The following AGBL1 variants were observed in gnomAD, a reference collection of about 807,000 sequenced individuals.
The protein encoded by AGBL1 is cytosolic carboxypeptidase 4.
Under a neutral mutation model 118.9 loss-of-function variants are expected in AGBL1, and 130 were observed. That is an observed-to-expected ratio of 1.09 (90% CI 0.95 to 1.26). The LOEUF (loss-of-function observed/expected upper bound fraction) is 1.26, where lower values mean the gene tolerates loss of function less well. Ranked by LOEUF, AGBL1 falls within the 50% of genes most tolerant of loss-of-function variation. AGBL1 has a pLI of 0.00. For missense variants in AGBL1, 1,584 were observed against 1,298.1 expected (o/e 1.22, Z -3.38); for synonymous variants, 555 against 478.9 (o/e 1.16, Z -2.08).
At chr15:86,470,307 A>G (rs1186074640) in intron 18 of AGBL1, among the ~76,000 whole-genome samples, 1 of 152,132 alleles carries the variant, frequency 6.6e-6, no homozygotes, top group East Asian at 1.9e-4. Context: ...AGTTTTTTCA[A>G]AATCAATTAC....
chr15:87,018,199 G>T (rs2081626933), intron 24 of AGBL1, among the ~76,000 whole-genome samples: 1 of 151,310 alleles, frequency 6.6e-6, no homozygotes, highest in South Asian at 2.1e-4. Flanking sequence ...CATACTTCAG[G>T]ATATCGTTCA....
chr15:86,754,399 G>A (rs1337717876), intron 22 of AGBL1, among the ~76,000 whole-genome samples: 1 of 152,104 alleles, frequency 6.6e-6, no homozygotes, highest in Admixed American at 6.6e-5. Flanking sequence ...AATATTGATT[G>A]ATTAATGGTT....
chr15:86,789,926 A>G (rs2078467485), intron 22 of AGBL1, among the ~76,000 whole-genome samples: 1 of 152,184 alleles, frequency 6.6e-6, no homozygotes, highest in South Asian at 2.1e-4. Flanking sequence ...AGTCACCAGG[A>G]GACTAGGAAA....
chr15:86,689,812 G>C (rs140732582), intron 22 of AGBL1, among the ~76,000 whole-genome samples: 12 of 152,212 alleles, frequency 7.9e-5, no homozygotes, highest in African/African-American at 2.9e-4. Flanking sequence ...TGAAATGATG[G>C]ATGATACTAA....
chr15:86,389,173 T>A (rs1215974884), intron 17 of AGBL1, among the ~76,000 whole-genome samples: 1 of 152,126 alleles, frequency 6.6e-6, no homozygotes, highest in African/African-American at 2.4e-5. Context: ...ATAAGGAGTA[T>A]AAGAAAGTTC....
chr15:86,779,867 GTTGA>G (rs897911132), intron 22 of AGBL1, among the ~76,000 whole-genome samples: 1 of 151,764 alleles, frequency 6.6e-6, no homozygotes, highest in Admixed American at 6.6e-5. Flanking sequence ...GTTGTATTGA[GTTGA>G]TTGTGTTTTT....
intron 24 of AGBL1, among the ~76,000 whole-genome samples, chr15:87,024,234 T>C (rs2081700187): frequency 6.6e-6 from 1 of 151,878 alleles, no homozygotes; most frequent in South Asian, 2.1e-4. Context: ...GATAGACCAT[T>C]AGCAAGATTA....
intron 22 of AGBL1, among the ~76,000 whole-genome samples, chr15:86,694,175 T>A (rs377407019): frequency 2.1e-4 from 32 of 152,146 alleles, no homozygotes; most frequent in African/African-American, 7.5e-4. Context: ...AATTTGTAGC[T>A]TGCTTTTGGC....
At chr15:86,682,060 T>G (rs1463291439) in intron 22 of AGBL1, among the ~76,000 whole-genome samples, 4 of 152,212 alleles carry the variant, frequency 2.6e-5, no homozygotes, top group African/African-American at 9.6e-5. Flanking sequence ...CTCTCTTTAA[T>G]TATCTGCTGT....
chr15:86,865,375 T>C (rs1346412881), intron 22 of AGBL1, among the ~76,000 whole-genome samples: 3 of 152,162 alleles, frequency 2.0e-5, no homozygotes, highest in Admixed American at 2.0e-4. Context: ...ATTCTGCAAG[T>C]TTGCAAATGA....
At chr15:86,163,968 A>G (rs1597479923) in intron 5 of AGBL1, among the ~76,000 whole-genome samples, 1 of 152,164 alleles carries the variant, frequency 6.6e-6, no homozygotes, top group East Asian at 1.9e-4. Flanking sequence ...CAAGAGCTCT[A>G]TTGCATGAGG....
chr15:86,199,895 A>G (rs768472261), intron 5 of AGBL1, among the ~76,000 whole-genome samples: 1 of 152,234 alleles, frequency 6.6e-6, no homozygotes, highest in South Asian at 2.1e-4. Context: ...TAATCCCTAA[A>G]GCCATCCAAT....
chr15:86,973,420 A>G (rs1460096795), intron 23 of AGBL1, among the ~76,000 whole-genome samples: 2 of 152,016 alleles, frequency 1.3e-5, no homozygotes, highest in African/African-American at 4.8e-5. Flanking sequence ...CTATAGTAGC[A>G]ATTTCAATTG....
chr15:86,267,128 C>T, intron 13 of AGBL1, 52 bp downstream of exon 13: 3 of 1,298,220 alleles, frequency 2.3e-6, no homozygotes, highest in African/African-American at 1.5e-5. Flanking sequence ...TAAGAGCAAG[C>T]TGTGACTATC....
intron 17 of AGBL1, among the ~76,000 whole-genome samples, chr15:86,352,140 T>C (rs945963368): frequency 2.0e-5 from 3 of 152,168 alleles, no homozygotes; most frequent in Admixed American, 2.0e-4. Flanking sequence ...GAGTTCCTGG[T>C]TCTTAACAGC....
intron 19 of AGBL1, among the ~76,000 whole-genome samples, chr15:86,523,532 C>A (rs1033720645): frequency 1.3e-5 from 2 of 151,716 alleles, no homozygotes; most frequent in Non-Finnish European, 2.9e-5. Context: ...ACAACAAAGG[C>A]AAACCCCCAG....
intron 21 of AGBL1, among the ~76,000 whole-genome samples, chr15:86,647,507 C>T (rs777540992): frequency 6.6e-6 from 1 of 152,136 alleles, no homozygotes; most frequent in Admixed American, 6.5e-5. Context: ...TTGAAACCAG[C>T]CTGCCCAACA....
At chr15:86,108,684 C>T (rs543982831) in intron 1 of AGBL1, among the ~76,000 whole-genome samples, 22 of 152,248 alleles carry the variant, frequency 1.4e-4, no homozygotes, top group African/African-American at 2.9e-4. Flanking sequence ...CATGGCCAGG[C>T]GCAGTGGCTC....
chr15:86,682,787 T>A (rs761982817), intron 22 of AGBL1, among the ~76,000 whole-genome samples: 10 of 152,102 alleles, frequency 6.6e-5, no homozygotes, highest in Non-Finnish European at 1.5e-4. Flanking sequence ...AAGATAATAA[T>A]AAAGCAAACA....
Sources: gnomAD v4.1 joint callset for allele counts (sites outside exome capture counted in the v4.1 genomes callset) on GRCh38, gnomAD v4.1.1 for gene constraint, MANE v1.5 for transcripts, NCBI Gene and HGNC (gene_info 2026-07-23, HGNC 2026-07-21) for gene names.